Variants in EPHA6 observed in about 807,000 individuals in gnomAD.
EPHA6 encodes the protein EPH receptor A6.
In EPHA6, 50 loss-of-function variants were observed where a neutral mutation model predicts 112.0. The observed-to-expected ratio is 0.45, with a 90% CI of 0.36 to 0.56. EPHA6 has a LOEUF of 0.56. Among genes scored for constraint, EPHA6 ranks in the 20% least tolerant of loss-of-function variants. EPHA6 has a pLI of 0.00. For synonymous variants in EPHA6, 529 were observed against 490.7 expected, an observed-to-expected ratio of 1.08 and a Z score of -1.03; for missense variants, 1,280 against 1,417.4, an observed-to-expected ratio of 0.90 and a Z score of 1.56.
At chr3:97,458,056 A>C (rs529805520) in intron 7 of EPHA6, among the ~76,000 whole-genome samples, 27 of 118,684 alleles carry the variant, frequency 2.3e-4, no homozygotes, top group African/African-American at 8.8e-4. Flanking sequence ...CGACAGTGCG[A>C]GACTCCGTCT....
At chr3:97,424,281 G>A (rs914476674) in intron 6 of EPHA6, among the ~76,000 whole-genome samples, 32 of 152,104 alleles carry the variant, frequency 2.1e-4, no homozygotes, top group African/African-American at 7.5e-4. Flanking sequence ...GACACATGGG[G>A]ATTATTACAT....
chr3:96,999,052 CT>C (rs1402819767), intron 3 of EPHA6, among the ~76,000 whole-genome samples: 2 of 151,662 alleles, frequency 1.3e-5, no homozygotes, highest in African/African-American at 2.4e-5. Context: ...TTATTTTATT[CT>C]GGATATATTT....
At chr3:97,044,614 A>G (rs1011084901) in intron 3 of EPHA6, among the ~76,000 whole-genome samples, 4 of 152,146 alleles carry the variant, frequency 2.6e-5, no homozygotes, top group African/African-American at 9.7e-5. Context: ...TGTTTAACTA[A>G]TAAAAGAGGG....
intron 3 of EPHA6, among the ~76,000 whole-genome samples, chr3:97,013,765 T>A (rs1410174718): frequency 1.3e-5 from 2 of 152,196 alleles, no homozygotes; most frequent in African/African-American, 4.8e-5. Context: ...CTAAAATAAG[T>A]AATATATCTT....
intron 3 of EPHA6, among the ~76,000 whole-genome samples, chr3:97,143,283 A>AT (rs1190880444): frequency 6.6e-6 from 1 of 151,802 alleles, no homozygotes; most frequent in Non-Finnish European, 1.5e-5. Context: ...CCATTATGGG[A>AT]TATATTCATG....
At chr3:97,319,371 A>C (rs1438316583) in intron 5 of EPHA6, among the ~76,000 whole-genome samples, 3 of 151,676 alleles carry the variant, frequency 2.0e-5, no homozygotes, top group African/African-American at 4.9e-5. Context: ...CTTACTTTTT[A>C]AAAGACCGAA....
intron 5 of EPHA6, among the ~76,000 whole-genome samples, chr3:97,247,949 T>C (rs2079031205): frequency 6.6e-6 from 1 of 152,044 alleles, no homozygotes; most frequent in Non-Finnish European, 1.5e-5. Flanking sequence ...AAGATCGATA[T>C]GAAATAAATT....
At chr3:97,452,471 C>T (rs1019307718) in intron 7 of EPHA6, among the ~76,000 whole-genome samples, 1 of 151,636 alleles carries the variant, frequency 6.6e-6, no homozygotes, top group African/African-American at 2.4e-5. Context: ...TCTGATTTCT[C>T]GCTGGGCTAA....
At chr3:97,691,792 G>A (rs1245962449) in intron 14 of EPHA6, among the ~76,000 whole-genome samples, 1 of 152,144 alleles carries the variant, frequency 6.6e-6, no homozygotes, top group Non-Finnish European at 1.5e-5. Context: ...GATTAAGTTT[G>A]GAAGAGCATA....
chr3:97,583,538 C>CAAA (rs561602490), intron 11 of EPHA6, among the ~76,000 whole-genome samples: 1 of 97,370 alleles, frequency 1.0e-5, no homozygotes, highest in Non-Finnish European at 2.1e-5. Context: ...GACTCTGTCT[C>CAAA]AAAAAAAAAA....
At chr3:97,020,695 TCTC>T (rs1366416766) in intron 3 of EPHA6, among the ~76,000 whole-genome samples, 32 of 152,294 alleles carry the variant, frequency 2.1e-4, no homozygotes, top group Admixed American at 2.0e-3. Context: ...TACAGTAACT[TCTC>T]CTAGCCATTT....
Position 97,168,591 on chromosome 3 carries a change from C to G in EPHA6, c.1115-57673C>G, listed in dbSNP as rs182829673. On this transcript the variant is annotated intron_variant, in intron 3 of 17. Coordinates refer to ENST00000389672, the MANE Select transcript of EPHA6 (RefSeq NM_001080448.3). ...TTTCTCTCTGTCTCTCTCTCTCTCT[C>G]TCTGTGTGTCTCTCTCTGTCTCTGT... 6.6e-3 allele frequency among the ~76,000 whole-genome samples: 932 copies of G among 140,720 alleles called. 16 individuals are homozygous for G. Among genetic ancestry groups the G allele is most frequent in the African/African-American group, 0.024 (798 of 33,384 alleles). The allele number at this position is 140,720 out of a possible 152,430, so 92.3% of individuals were successfully genotyped here. A position where few individuals can be genotyped will look rare whatever the true frequency, so the allele number is the denominator to read the frequency against.
chr3:97,413,794 A>G (rs1394761275), intron 6 of EPHA6, among the ~76,000 whole-genome samples: 1 of 152,018 alleles, frequency 6.6e-6, no homozygotes, highest in Non-Finnish European at 1.5e-5. Flanking sequence ...ATGAAGGACT[A>G]AATACCTAAA....
chr3:97,152,437 T>C (rs981693020), intron 3 of EPHA6, among the ~76,000 whole-genome samples: 2 of 149,000 alleles, frequency 1.3e-5, no homozygotes, highest in East Asian at 1.9e-4. Flanking sequence ...TAATAAATAA[T>C]ATATATTAAA....
At chr3:97,224,126 A>G in intron 3 of EPHA6, among the ~76,000 whole-genome samples, 1 of 152,186 alleles carries the variant, frequency 6.6e-6, no homozygotes, top group East Asian at 1.9e-4. Flanking sequence ...GTTAAATAAA[A>G]TATATTATTA....
intron 3 of EPHA6, among the ~76,000 whole-genome samples, chr3:97,084,211 C>G (rs2108208755): frequency 6.7e-6 from 1 of 149,866 alleles, no homozygotes; most frequent in South Asian, 2.1e-4. Flanking sequence ...TGCAAAATTT[C>G]ACAGAAATCT....
chr3:97,006,966 G>C (rs1196953433), intron 3 of EPHA6, among the ~76,000 whole-genome samples: 1 of 152,160 alleles, frequency 6.6e-6, no homozygotes, highest in African/African-American at 2.4e-5. Context: ...TGTTTGGAGA[G>C]ACTGTTTGTT....
chr3:96,823,985 CAA>C (rs1456184789), intron 1 of EPHA6, among the ~76,000 whole-genome samples: 1 of 151,436 alleles, frequency 6.6e-6, no homozygotes, highest in Non-Finnish European at 1.5e-5. Flanking sequence ...CATAGTAGAG[CAA>C]AAAGGTACTT....
intron 14 of EPHA6, among the ~76,000 whole-genome samples, chr3:97,639,179 A>G (rs2107562235): frequency 6.6e-6 from 1 of 152,172 alleles, no homozygotes; most frequent in South Asian, 2.1e-4. Context: ...TGTCTGATAT[A>G]TAAAGTAGCA....
Sources: gnomAD v4.1 joint callset for allele counts (sites outside exome capture counted in the v4.1 genomes callset) on GRCh38, gnomAD v4.1.1 for gene constraint, MANE v1.5 for transcripts, NCBI Gene and HGNC (gene_info 2026-07-23, HGNC 2026-07-21) for gene names.